PKP4: variants seen among roughly 807,000 people sequenced by gnomAD.
The protein encoded by PKP4 is plakophilin 4.
A neutral mutation model predicts 145.1 loss-of-function variants in PKP4; 90 were observed. That is an observed-to-expected ratio of 0.62 (90% CI 0.52 to 0.74). The LOEUF is 0.74. Among genes scored for constraint, PKP4 ranks in the 30% least tolerant of loss-of-function variants. The pLI is 0.00. For synonymous variants in PKP4, 563 were observed against 577.2 expected (o/e 0.98, Z 0.35); for missense variants, 1,340 against 1,482.7 (o/e 0.90, Z 1.58).
At chr2:158,500,188 C>T (rs947602710) in intron 1 of PKP4, among the ~76,000 whole-genome samples, 4 of 152,150 alleles carry the variant, frequency 2.6e-5, no homozygotes, top group Admixed American at 1.3e-4. Context: ...CTTTCTCCTG[C>T]AAGAAGTTGG....
chr2:158,601,885 T>C (rs1363482731), intron 3 of PKP4, among the ~76,000 whole-genome samples: 1 of 152,074 alleles, frequency 6.6e-6, no homozygotes, highest in Admixed American at 6.6e-5. Context: ...ATCTCAGAAA[T>C]ATAGCACTAA....
intron 11 of PKP4, among the ~76,000 whole-genome samples, chr2:158,656,871 G>T (rs2056000553): frequency 6.6e-6 from 1 of 152,144 alleles, no homozygotes; most frequent in Non-Finnish European, 1.5e-5. Flanking sequence ...CTTTTACAGG[G>T]GGCACCCAGA....
At chr2:158,553,569 A>G (rs1205030478) in intron 2 of PKP4, among the ~76,000 whole-genome samples, 1 of 152,234 alleles carries the variant, frequency 6.6e-6, no homozygotes, top group Non-Finnish European at 1.5e-5. Flanking sequence ...AGTTGCAAAT[A>G]TGTGGTCCCC....
chr2:158,680,661 C>G lies in PKP4; in HGVS notation c.3563C>G (p.Pro1188Arg). Reference sequence around the variant, plus strand: ...AGAGCAGAACAGTACCCAGGGTCCCCAGACTCATGGGTGTAGCATCAAGAT... The same window carrying G: ...AGAGCAGAACAGTACCCAGGGTCCCGAGACTCATGGGTGTAGCATCAAGAT... ...SYRAEQYPGS[P>R]DSWV is the part of the protein sequence containing the mutation. Residue 1188 changes from proline (P) to arginine (R), a missense_variant, in exon 22 of 22, where the codon CCA (proline) becomes CGA (arginine). Physicochemically the swap from Pro to Arg is moderately radical, Grantham distance 103. Transcript: ENST00000389759. 1.2e-6 allele frequency: 2 copies of G among 1,612,642 alleles called. No homozygotes were observed. The highest frequency in any genetic ancestry group is 1.7e-6 in the Non-Finnish European group (2 of 1,179,182).
chr2:158,569,530 A>G (rs879578198), intron 2 of PKP4, among the ~76,000 whole-genome samples: 1 of 152,214 alleles, frequency 6.6e-6, no homozygotes, highest in East Asian at 1.9e-4. Flanking sequence ...GCCCTTCCCT[A>G]TGTAAGTATT....
intron 2 of PKP4, among the ~76,000 whole-genome samples, chr2:158,560,356 A>G (rs950248738): frequency 6.6e-6 from 1 of 152,192 alleles, no homozygotes; most frequent in Non-Finnish European, 1.5e-5. Context: ...TGCTTCAGCC[A>G]CTACTTCCTT....
chr2:158,648,913 G>A (rs748149655), intron 11 of PKP4, among the ~76,000 whole-genome samples: 5 of 152,214 alleles, frequency 3.3e-5, no homozygotes, highest in Admixed American at 1.3e-4. Flanking sequence ...CAGGAAAATC[G>A]CTTGAGCCTG....
In PKP4 at chr2:158,662,984, G is replaced by A. The variant is rs145132821; in HGVS notation, c.2299G>A (p.Glu767Lys). The change falls in exon 14 of 22, where the codon GAA (glutamate) becomes AAA (lysine). Residue 767 changes from glutamate (E) to lysine (K), a missense_variant. Glu to Lys is a moderately conservative substitution (Grantham distance 56). Transcript: ENST00000389759. The stretch of plus-strand genomic sequence containing the variant: ...CCAGGCCCGGTTACTGGGACTGAAC[G>A]AATTGGATGACTTACTAGGAAAAGA... ...VPQARLLGLN[E>K]LDDLLGKESP... 8.2e-5 allele frequency: 133 copies of A among 1,613,930 alleles called. No homozygotes were observed. The highest frequency in any genetic ancestry group is 8.3e-5 in the Non-Finnish European group (98 of 1,179,958).
chr2:158,631,812 G>T lies in PKP4; in HGVS notation c.1213G>T (p.Val405Leu), dbSNP rs375824181. The stretch of plus-strand genomic sequence containing the variant: ...GCTTGGGCAAGACCTTCGTTCTGCC[G>T]TGTCTCCCGACTTGCACATTACTCC... ...SQLGQDLRSAVSPDLHITPIY... is the reference protein window; with the variant it reads ...SQLGQDLRSALSPDLHITPIY... The change falls in exon 8 of 22, where the codon GTG becomes TTG. Residue 405 changes from valine to leucine, a missense_variant. Physicochemically the swap from Val to Leu is conservative, Grantham distance 32 (BLOSUM62 1). Transcript: ENST00000389759. The T allele has an allele frequency of 3.1e-6, 5 of 1,613,884 alleles. No individual in the cohort carries two copies. Among genetic ancestry groups the T allele is most frequent in the East Asian group, 2.2e-5 (1 of 44,900 alleles).
chr2:158,634,729 G>A (rs1005081985), intron 9 of PKP4, among the ~76,000 whole-genome samples: 8 of 152,198 alleles, frequency 5.3e-5, no homozygotes, highest in African/African-American at 1.9e-4. Flanking sequence ...TTCAATCATA[G>A]TGGTCAACAA....
In PKP4 at chr2:158,663,204, G is replaced by T. The variant is rs2056768031; in HGVS notation, c.2404-68G>T. 3 of 1,546,160 alleles carry T rather than the reference G, an allele frequency of 1.9e-6. No homozygotes were observed. The Admixed American group carries it at 5.4e-5, about 28-fold the overall frequency. ...AGCTATAGCTGAGTCCCGCAAAGGT[G>T]AATGTTTTCAAGTATTGGAGATCAT... On this transcript the variant is annotated intron_variant, in intron 14 of 21. Coordinates refer to ENST00000389759, the MANE Select transcript of PKP4 (RefSeq NM_003628.6).
At chr2:158,597,335 G>A (rs950071382) in intron 3 of PKP4, among the ~76,000 whole-genome samples, 9 of 152,170 alleles carry the variant, frequency 5.9e-5, no homozygotes, top group African/African-American at 2.2e-4. Context: ...ACAACCCAAA[G>A]AGTGAAGATC....
intron 1 of PKP4, among the ~76,000 whole-genome samples, chr2:158,474,569 T>G (rs1183165676): frequency 2.0e-5 from 3 of 152,334 alleles, no homozygotes; most frequent in South Asian, 2.1e-4. Context: ...GCATAAAATG[T>G]TTTCCGTAAT....
chr2:158,602,265 C>G (rs554925306), intron 3 of PKP4, among the ~76,000 whole-genome samples: 1 of 152,030 alleles, frequency 6.6e-6, no homozygotes, highest in Non-Finnish European at 1.5e-5. Context: ...TCCAGCTCTT[C>G]GAGTTACCAG....
At chr2:158,655,892 G>A (rs754742906) in intron 11 of PKP4, among the ~76,000 whole-genome samples, 1 of 152,188 alleles carries the variant, frequency 6.6e-6, no homozygotes. Flanking sequence ...AAATGTTAAA[G>A]CCCATGTTAG....
chr2:158,619,708 A>G (rs1465277018), intron 4 of PKP4, among the ~76,000 whole-genome samples: 4 of 152,228 alleles, frequency 2.6e-5, no homozygotes, highest in Non-Finnish European at 4.4e-5. Context: ...TGCTTGTTCA[A>G]CAAATATTTA....
intron 2 of PKP4, among the ~76,000 whole-genome samples, chr2:158,570,810 G>A (rs1177327403): frequency 6.6e-6 from 1 of 152,134 alleles, no homozygotes; most frequent in Non-Finnish European, 1.5e-5. Flanking sequence ...TGATAAAGGA[G>A]TCAGTTTAAA....
At chr2:158,565,786 A>G (rs1266688298) in intron 2 of PKP4, among the ~76,000 whole-genome samples, 2 of 152,150 alleles carry the variant, frequency 1.3e-5, no homozygotes, top group Non-Finnish European at 2.9e-5. Flanking sequence ...TATAGGTTAG[A>G]TATGGCTTAT....
At chr2:158,532,046 C>T (rs2043601485) in intron 1 of PKP4, among the ~76,000 whole-genome samples, 1 of 152,072 alleles carries the variant, frequency 6.6e-6, no homozygotes, top group South Asian at 2.1e-4. Context: ...GTACATCTCC[C>T]CTTTTACTTA....
Sources: allele counts gnomAD v4.1 joint callset (sites outside exome capture counted in the v4.1 genomes callset), GRCh38; gene constraint gnomAD v4.1.1; transcripts MANE v1.5; gene names NCBI Gene and HGNC (gene_info 2026-07-23, HGNC 2026-07-21).